NAALADL2: variants seen among roughly 807,000 people sequenced by gnomAD.
NAALADL2 encodes N-acetylated alpha-linked acidic dipeptidase like 2, also known as inactive N-acetylated-alpha-linked acidic dipeptidase-like protein 2.
Under a neutral mutation model 87.2 loss-of-function variants are expected in NAALADL2, and 76 were observed. The ratio of observed to expected loss-of-function variants is 0.87; its 90% CI spans 0.72 to 1.05. The LOEUF is 1.05. NAALADL2 is among the 50% of genes least tolerant of loss of function. The pLI is 0.00. For synonymous variants in NAALADL2, 354 were observed against 331.0 expected (o/e 1.07, Z -0.75); for missense variants, 1,089 against 945.8 (o/e 1.15, Z -1.99).
At chr3:175,064,906 A>C (rs1241476351) in intron 1 of NAALADL2, among the ~76,000 whole-genome samples, 2 of 152,272 alleles carry the variant, frequency 1.3e-5, no homozygotes. Flanking sequence ...AAGTAGAAGG[A>C]AGCTTTTTTG....
chr3:174,691,946 C>A (rs1479996948), intron 2 of NAALADL2: 2 of 152,160 alleles, frequency 1.3e-5, no homozygotes, highest in African/African-American at 4.8e-5. Flanking sequence ...AATTCAATTT[C>A]TCTTGCTACT....
intron 3 of NAALADL2, among the ~76,000 whole-genome samples, chr3:174,790,869 A>G (rs1717382266): frequency 6.6e-6 from 1 of 152,098 alleles, no homozygotes; most frequent in African/African-American, 2.4e-5. Context: ...TTTTATAGTT[A>G]TTTATATATG....
intron 6 of NAALADL2, among the ~76,000 whole-genome samples, chr3:175,457,685 ATT>A (rs763515080): frequency 1.4e-4 from 18 of 131,448 alleles, no homozygotes; most frequent in African/African-American, 3.4e-4. Context: ...TGTCTGGCTA[ATT>A]TTTTTTTTTT....
chr3:175,383,397 C>T (rs1363192059), intron 5 of NAALADL2, among the ~76,000 whole-genome samples: 1 of 149,214 alleles, frequency 6.7e-6, no homozygotes, highest in Non-Finnish European at 1.5e-5. Context: ...TAATATATCC[C>T]TCACTTCACG....
At chr3:174,739,312 A>G (rs1423229635) in intron 3 of NAALADL2, among the ~76,000 whole-genome samples, 1 of 152,082 alleles carries the variant, frequency 6.6e-6, no homozygotes, top group Non-Finnish European at 1.5e-5. Context: ...CCAAGACAGT[A>G]TACTCTTAGA....
At chr3:174,857,801 C>T (rs1726016718), upstream of NAALADL2, among the ~76,000 whole-genome samples, 1 of 151,956 alleles carries the variant, frequency 6.6e-6, no homozygotes, top group Admixed American at 6.6e-5. Context: ...TTCAATGGTC[C>T]AGCTCCCTCA....
chr3:174,551,294 A>G (rs1368400794), intron 2 of NAALADL2: 1 of 152,204 alleles, frequency 6.6e-6, no homozygotes, highest in African/African-American at 2.4e-5. Flanking sequence ...AATGTAGCAC[A>G]TATAAGGCAT....
At chr3:174,935,142 A>T (rs1234855063) in intron 1 of NAALADL2, among the ~76,000 whole-genome samples, 1 of 150,314 alleles carries the variant, frequency 6.7e-6, no homozygotes, top group Non-Finnish European at 1.5e-5. Context: ...GTGATTGTTC[A>T]TATAGATGTT....
chr3:175,487,611 A>T, intron 9 of NAALADL2: 1 of 450,302 alleles, frequency 2.2e-6, no homozygotes, highest in South Asian at 1.6e-5. Flanking sequence ...CTTCTAACAC[A>T]CATAATAACC....
chr3:175,013,428 A>G (rs1294156463), intron 1 of NAALADL2, among the ~76,000 whole-genome samples: 1 of 147,332 alleles, frequency 6.8e-6, no homozygotes, highest in Non-Finnish European at 1.5e-5. Context: ...CCTCTCAGGT[A>G]GCTGGGATTA....
At chr3:175,657,501 A>G (rs1468940591) in intron 11 of NAALADL2, among the ~76,000 whole-genome samples, 1 of 152,054 alleles carries the variant, frequency 6.6e-6, no homozygotes, top group Non-Finnish European at 1.5e-5. Flanking sequence ...GAAAATTTCT[A>G]CTTGTTTGCT....
chr3:174,916,248 A>G (rs1232889152), intron 1 of NAALADL2, among the ~76,000 whole-genome samples: 2 of 152,202 alleles, frequency 1.3e-5, no homozygotes, highest in East Asian at 1.9e-4. Context: ...AAAAGGGAAC[A>G]CATTAATACT....
At chr3:174,489,483 A>G (rs539961117) in intron 1 of NAALADL2, among the ~76,000 whole-genome samples, 69 of 152,204 alleles carry the variant, frequency 4.5e-4, no homozygotes, top group Non-Finnish European at 8.5e-4. Flanking sequence ...GAGAGAATAG[A>G]TAAATTAGAG....
chr3:175,115,324 T>A (rs560541696), intron 2 of NAALADL2: 17 of 151,694 alleles, frequency 1.1e-4, no homozygotes, highest in African/African-American at 3.6e-4. Context: ...TCAATCAAAC[T>A]CCATTATTGA....
intron 10 of NAALADL2, among the ~76,000 whole-genome samples, chr3:175,587,617 G>A (rs188292922): frequency 6.6e-6 from 1 of 152,178 alleles, no homozygotes; most frequent in East Asian, 1.9e-4. Flanking sequence ...TATTTAACAT[G>A]ATTGGGAAGG....
intron 5 of NAALADL2, among the ~76,000 whole-genome samples, chr3:175,360,835 T>A (rs1423608603): frequency 6.6e-6 from 1 of 151,558 alleles, no homozygotes; most frequent in East Asian, 1.9e-4. Flanking sequence ...TATGTGTGTG[T>A]GTGTGTGTGT....
intron 5 of NAALADL2, among the ~76,000 whole-genome samples, chr3:175,388,587 C>T (rs959166273): frequency 3.3e-5 from 5 of 152,084 alleles, no homozygotes; most frequent in South Asian, 2.1e-4. Context: ...TTTTAATGTA[C>T]GCACTTGATA....
intron 3 of NAALADL2, among the ~76,000 whole-genome samples, chr3:174,785,320 TATAA>T (rs1289745143): frequency 6.6e-6 from 1 of 152,198 alleles, no homozygotes; most frequent in Non-Finnish European, 1.5e-5. Context: ...AGCTCCCACT[TATAA>T]ATGAGAGCAT....
At chr3:175,619,273 G>GCAGAAGGAAA (rs1725851948) in intron 10 of NAALADL2, among the ~76,000 whole-genome samples, 8 of 133,218 alleles carry the variant, frequency 6.0e-5, no homozygotes, top group Non-Finnish European at 1.1e-4. Context: ...GGAAGGAGAA[G>GCAGAAGGAAA]GAAAGAAAGA....
Sources: allele counts gnomAD v4.1 joint callset (sites outside exome capture counted in the v4.1 genomes callset), GRCh38; gene constraint gnomAD v4.1.1; transcripts MANE v1.5; gene names NCBI Gene and HGNC (gene_info 2026-07-23, HGNC 2026-07-21).